Variants in MSR1 observed in about 807,000 individuals in gnomAD.
MSR1 encodes macrophage scavenger receptor 1.
MSR1 carries 53 observed loss-of-function variants against 47.2 expected under a neutral mutation model. The ratio of observed to expected loss-of-function variants is 1.12; its 90% confidence interval spans 0.90 to 1.41. The LOEUF (loss-of-function observed/expected upper bound fraction) is 1.41, where lower values mean the gene tolerates loss of function less well. Ranked by LOEUF, MSR1 falls within the 40% of genes most tolerant of loss-of-function variation. The pLI is 0.00. For synonymous variants in MSR1, 239 were observed against 185.6 expected, an observed-to-expected ratio of 1.29 and a Z score of -2.34; for missense variants, 786 against 546.9, an observed-to-expected ratio of 1.44 and a Z score of -4.36.
At chr8:16,145,061 T>G (rs1800661867) in intron 7 of MSR1, among the ~76,000 whole-genome samples, 1 of 152,084 alleles carries the variant, frequency 6.6e-6, no homozygotes, top group Non-Finnish European at 1.5e-5. Context: ...TTGAGGCACT[T>G]AAAGAGTAAA....
chr8:16,112,451 T>C (rs937842442), intron 9 of MSR1, among the ~76,000 whole-genome samples: 8 of 152,130 alleles, frequency 5.3e-5, no homozygotes, highest in Non-Finnish European at 1.0e-4. Context: ...TACATAGATG[T>C]CTAGATAGAA....
In MSR1 at chr8:16,124,575, G is replaced by A. The variant is rs182953126; in HGVS notation, c.1034-3969C>T. Among the ~76,000 whole-genome samples the A allele has an allele frequency of 5.1e-3, 774 of 151,938 alleles. 15 individuals carry two copies. Among genetic ancestry groups the A allele is most frequent in the Non-Finnish European group, 8.2e-3 (560 of 67,944 alleles). ...TAAGTCTCATTCTCCTTTATTTCTG[G>A]GGCTTTGGTTCCTGTCTGGAATGTT... On this transcript the variant is annotated intron_variant, in intron 8 of 9. Transcript: ENST00000262101.
At chr8:16,143,098 T>C (rs1800603668) in intron 8 of MSR1, among the ~76,000 whole-genome samples, 1 of 152,130 alleles carries the variant, frequency 6.6e-6, no homozygotes, top group Admixed American at 6.6e-5. Flanking sequence ...GTTTAGAACA[T>C]GGAATACCAC....
intron 9 of MSR1, among the ~76,000 whole-genome samples, chr8:16,119,785 T>A (rs1028681751): frequency 7.9e-5 from 12 of 151,734 alleles, no homozygotes; most frequent in African/African-American, 2.9e-4. Context: ...ATAGCTCATG[T>A]AACCTGGAAC....
chr8:16,181,587 G>A (rs951319565), intron 1 of MSR1, among the ~76,000 whole-genome samples: 2 of 151,978 alleles, frequency 1.3e-5, no homozygotes, highest in Non-Finnish European at 2.9e-5. Context: ...CGTATAAGTG[G>A]GAGCTGAACA....
chr8:16,126,647 T>G (rs1006849578), intron 8 of MSR1, among the ~76,000 whole-genome samples: 12 of 152,130 alleles, frequency 7.9e-5, no homozygotes, highest in Non-Finnish European at 1.8e-4. Flanking sequence ...AAAATTTCTC[T>G]AGAAAAATAA....
chr8:16,116,888 G>C (rs1799887435), intron 9 of MSR1, among the ~76,000 whole-genome samples: 3 of 151,934 alleles, frequency 2.0e-5, no homozygotes, highest in Non-Finnish European at 4.4e-5. Context: ...ATGACGTCTT[G>C]TTCACTTTCA....
chr8:16,132,576 C>T (rs1585146045), intron 8 of MSR1, among the ~76,000 whole-genome samples: 1 of 152,114 alleles, frequency 6.6e-6, no homozygotes, highest in Non-Finnish European at 1.5e-5. Context: ...CAACCCCTGC[C>T]TCCCAGGTTC....
intron 5 of MSR1, among the ~76,000 whole-genome samples, chr8:16,158,339 C>T (rs1801066523): frequency 6.6e-6 from 1 of 151,852 alleles, no homozygotes; most frequent in Non-Finnish European, 1.5e-5. Context: ...AGTAATATTT[C>T]TATATAACCA....
intron 9 of MSR1, among the ~76,000 whole-genome samples, chr8:16,117,772 G>C (rs1339012008): frequency 6.6e-6 from 1 of 152,054 alleles, no homozygotes; most frequent in Non-Finnish European, 1.5e-5. Flanking sequence ...ATCAGCCCCA[G>C]ATGGGACCGT....
At chr8:16,179,422 T>G (rs961955493) in intron 1 of MSR1, among the ~76,000 whole-genome samples, 16 of 152,184 alleles carry the variant, frequency 1.1e-4, no homozygotes, top group African/African-American at 3.6e-4. Flanking sequence ...GAAAAAACAG[T>G]TCTCAGAAAT....
chr8:16,165,132 C>T (rs1012724381), intron 4 of MSR1, among the ~76,000 whole-genome samples: 15 of 151,976 alleles, frequency 9.9e-5, no homozygotes, highest in African/African-American at 3.6e-4. Flanking sequence ...ATAAGTACTT[C>T]TATAGAACAT....
intron 6 of MSR1, among the ~76,000 whole-genome samples, chr8:16,154,788 C>A (rs1382527635): frequency 6.6e-6 from 1 of 151,932 alleles, no homozygotes; most frequent in Admixed American, 6.6e-5. Context: ...GACTTACAAA[C>A]AATTCCATTT....
At chr8:16,181,521 C>A (rs528219254) in intron 1 of MSR1, among the ~76,000 whole-genome samples, 2 of 152,116 alleles carry the variant, frequency 1.3e-5, no homozygotes, top group East Asian at 3.9e-4. Context: ...AAGCTGGAAA[C>A]CATAATTCTC....
rs1799716411 is a variant in MSR1 at position 16,109,849 on chromosome 8, T to A, written c.*236A>T. The A allele has an allele frequency of 5.5e-6, 3 of 545,002 alleles. No individual in the cohort carries two copies. The highest frequency in any genetic ancestry group is 9.6e-6 in the Non-Finnish European group (3 of 311,170). The allele number at this position is 545,002 out of a possible 1,614,324, so 33.8% of individuals were successfully genotyped here. A position where few individuals can be genotyped will look rare whatever the true frequency, so the allele number is the denominator to read the frequency against. On this transcript the variant is annotated 3_prime_UTR_variant, in exon 10 of 10. Transcript: ENST00000262101. ...AAACTTCAAAATGTTCAATTCAGCA[T>A]ATAAGTCATTATATTAGAAAATTCC...
intron 1 of MSR1, among the ~76,000 whole-genome samples, chr8:16,192,043 T>C (rs995637372): frequency 6.6e-6 from 1 of 152,186 alleles, no homozygotes; most frequent in Non-Finnish European, 1.5e-5. Flanking sequence ...TTTGGGGATA[T>C]GTTTTAAATC....
At chr8:16,153,265 A>T (rs1018830232) in intron 6 of MSR1, among the ~76,000 whole-genome samples, 1 of 152,066 alleles carries the variant, frequency 6.6e-6, no homozygotes, top group African/African-American at 2.4e-5. Flanking sequence ...TGATTTCGGC[A>T]TCAAATATAA....
At chr8:16,155,355 G>T (rs1182853957) in intron 5 of MSR1, among the ~76,000 whole-genome samples, 2 of 151,960 alleles carry the variant, frequency 1.3e-5, no homozygotes, top group Non-Finnish European at 1.5e-5. Flanking sequence ...TTGCCTCAAA[G>T]TAAACAACCT....
chr8:16,174,480 C>G (rs906295432), intron 3 of MSR1, among the ~76,000 whole-genome samples: 7 of 152,176 alleles, frequency 4.6e-5, no homozygotes, highest in African/African-American at 1.7e-4. Flanking sequence ...GCTATCTACC[C>G]TTGTAGAAAC....
Sources: gnomAD v4.1 joint callset for allele counts (sites outside exome capture counted in the v4.1 genomes callset) on GRCh38, gnomAD v4.1.1 for gene constraint, MANE v1.5 for transcripts, NCBI Gene and HGNC (gene_info 2026-07-23, HGNC 2026-07-21) for gene names.